RORB: variants seen among roughly 807,000 people sequenced by gnomAD.
The protein encoded by RORB is RAR related orphan receptor B.
In RORB, 6 loss-of-function variants were observed where a neutral mutation model predicts 59.1. The observed-to-expected ratio is 0.10, with a 90% confidence interval of 0.06 to 0.20. The LOEUF is 0.20. RORB is among the 10% of genes least tolerant of loss of function. The pLI, the probability that RORB is intolerant of heterozygous loss-of-function variation, is 1.00. For synonymous variants in RORB, 215 were observed against 204.5 expected (o/e 1.05, Z -0.44); for missense variants, 320 against 560.5 (o/e 0.57, Z 4.33).
intron 1 of RORB, among the ~76,000 whole-genome samples, chr9:74,604,333 T>C (rs775048150): frequency 3.4e-4 from 52 of 152,312 alleles, no homozygotes; most frequent in Admixed American, 1.4e-3. Flanking sequence ...AGCACTTTTC[T>C]AAAACATACC....
chr9:74,638,818 C>A (rs1823745897), intron 3 of RORB, among the ~76,000 whole-genome samples: 1 of 152,096 alleles, frequency 6.6e-6, no homozygotes, highest in African/African-American at 2.4e-5. Flanking sequence ...ATCAATGTTT[C>A]TGAAATAAAT....
At chr9:74,606,770 T>G (rs890898553) in intron 1 of RORB, among the ~76,000 whole-genome samples, 1 of 152,206 alleles carries the variant, frequency 6.6e-6, no homozygotes, top group Admixed American at 6.5e-5. Context: ...GACAGGATTG[T>G]TGGGTTCTTA....
chr9:74,657,192 C>T lies in RORB; in HGVS notation c.638-3425C>T, dbSNP rs951897959. Among the ~76,000 whole-genome samples the T allele has an allele frequency of 7.9e-5, 12 of 152,204 alleles. No individual in the cohort carries two copies. In the East Asian group the frequency reaches 2.3e-3, roughly 29 times the overall value. On this transcript the variant is annotated intron_variant, in intron 4 of 9. Coordinates refer to ENST00000376896, the MANE Select transcript of RORB (RefSeq NM_006914.4). ...TCTTGAGTAGCTGGAATTACAGGCA[C>T]CCGCCACCATGCCCAGCTAATTTAT...
intron 1 of RORB, among the ~76,000 whole-genome samples, chr9:74,598,218 G>A (rs531663257): frequency 1.7e-4 from 26 of 152,254 alleles, no homozygotes; most frequent in Admixed American, 1.6e-3. Flanking sequence ...GTGAAGAGCA[G>A]TAGATTAATG....
intron 4 of RORB, among the ~76,000 whole-genome samples, chr9:74,652,721 G>A (rs1824015136): frequency 6.6e-6 from 1 of 152,060 alleles, no homozygotes; most frequent in South Asian, 2.1e-4. Context: ...ATGTCAGTTG[G>A]CAATAGAATT....
intron 1 of RORB, among the ~76,000 whole-genome samples, chr9:74,587,479 A>C (rs976518912): frequency 6.6e-6 from 1 of 152,136 alleles, no homozygotes; most frequent in African/African-American, 2.4e-5. Context: ...AACTACCCCA[A>C]AACTTAGGAA....
intron 1 of RORB, among the ~76,000 whole-genome samples, chr9:74,504,358 A>T (rs1462783343): frequency 6.6e-6 from 1 of 152,104 alleles, no homozygotes; most frequent in Non-Finnish European, 1.5e-5. Context: ...TATAGTAATA[A>T]TTAAATGATA....
chr9:74,575,628 CA>C (rs1345840215), intron 1 of RORB, among the ~76,000 whole-genome samples: 5 of 151,984 alleles, frequency 3.3e-5, no homozygotes, highest in East Asian at 1.9e-4. Context: ...CTAATTATTT[CA>C]AAAGGCCCAA....
chr9:74,617,968 T>G (rs919727509), intron 1 of RORB, among the ~76,000 whole-genome samples: 1 of 152,194 alleles, frequency 6.6e-6, no homozygotes, highest in Admixed American at 6.5e-5. Context: ...TATTTCAAGA[T>G]TCAATTCTGA....
chr9:74,613,394 T>A (rs559840957), intron 1 of RORB, among the ~76,000 whole-genome samples: 37 of 152,196 alleles, frequency 2.4e-4, no homozygotes, highest in Non-Finnish European at 2.6e-4. Flanking sequence ...CCTAAGTGCT[T>A]ATGACTATAG....
chr9:74,579,090 G>A (rs551001181), intron 1 of RORB, among the ~76,000 whole-genome samples: 1 of 152,182 alleles, frequency 6.6e-6, no homozygotes, highest in Admixed American at 6.6e-5. Context: ...TTATATTTTT[G>A]AGATTTTCTA....
At chr9:74,535,960 T>C (rs1466803165) in intron 1 of RORB, among the ~76,000 whole-genome samples, 1 of 152,058 alleles carries the variant, frequency 6.6e-6, no homozygotes, top group African/African-American at 2.4e-5. Flanking sequence ...TAGTAGGTCC[T>C]GGTCTTAGGA....
chr9:74,667,713 T>C (rs1458830690), intron 7 of RORB, 78 bp from the exon 8 acceptor site: 2 of 863,948 alleles, frequency 2.3e-6, no homozygotes, highest in African/African-American at 3.3e-5. Context: ...GGATAGCTTA[T>C]TGATTATGAG....
intron 1 of RORB, among the ~76,000 whole-genome samples, chr9:74,607,592 A>T (rs1823167143): frequency 7.3e-6 from 1 of 137,600 alleles, no homozygotes; most frequent in African/African-American, 2.6e-5. Flanking sequence ...TACTATATAT[A>T]TATTTATTTA....
At chr9:74,498,115 C>A in intron 1 of RORB, 132 bp downstream of exon 1, 1 of 1,012,500 alleles carries the variant, frequency 9.9e-7, no homozygotes, top group Non-Finnish European at 1.5e-6. Context: ...AATTCGCTCT[C>A]GCAGGTGGGG....
intron 1 of RORB, among the ~76,000 whole-genome samples, chr9:74,598,164 C>T (rs540599007): frequency 3.0e-4 from 46 of 152,042 alleles, no homozygotes; most frequent in Admixed American, 1.1e-3. Context: ...ACTCTCTTGG[C>T]GTGTCAATTG....
At chr9:74,670,439 G>C (rs1338705693) in intron 8 of RORB, among the ~76,000 whole-genome samples, 1 of 152,148 alleles carries the variant, frequency 6.6e-6, no homozygotes, top group Non-Finnish European at 1.5e-5. Flanking sequence ...GATCACCTCA[G>C]AAGAAAAGCT....
intron 1 of RORB, among the ~76,000 whole-genome samples, chr9:74,502,322 A>G (rs956251937): frequency 2.6e-5 from 4 of 152,006 alleles, no homozygotes; most frequent in Non-Finnish European, 4.4e-5. Flanking sequence ...TTTTTCCCCC[A>G]AAAGTAGCGT....
chr9:74,512,758 T>A (rs994007678), intron 1 of RORB, among the ~76,000 whole-genome samples: 2 of 152,164 alleles, frequency 1.3e-5, no homozygotes, highest in Non-Finnish European at 2.9e-5. Flanking sequence ...ATCCTCAGTT[T>A]TTTTGTGTAT....
Sources: gnomAD v4.1 joint callset for allele counts (sites outside exome capture counted in the v4.1 genomes callset) on GRCh38, gnomAD v4.1.1 for gene constraint, MANE v1.5 for transcripts, NCBI Gene and HGNC (gene_info 2026-07-23, HGNC 2026-07-21) for gene names.